Variants in PHF7 observed in about 807,000 individuals in gnomAD.
PHF7 encodes E3 ubiquitin-protein ligase PHF7.
Under a neutral mutation model 47.5 loss-of-function variants are expected in PHF7, and 24 were observed. That is an observed-to-expected ratio of 0.51 (90% confidence interval 0.37 to 0.71). The LOEUF (loss-of-function observed/expected upper bound fraction) is 0.71. PHF7 is among the 30% of genes least tolerant of loss of function. The pLI is 0.00. For missense variants in PHF7, 361 were observed against 456.8 expected (o/e 0.79, Z 1.91); for synonymous variants, 156 against 153.8 (o/e 1.01, Z -0.11).
At chr3:52,413,602 A>AG (rs1301706842) in intron 2 of PHF7, among the ~76,000 whole-genome samples, 2 of 152,226 alleles carry the variant, frequency 1.3e-5, no homozygotes, top group Non-Finnish European at 2.9e-5. Context: ...TGGGAGGCCG[A>AG]GGCGGGTGGA....
intron 7 of PHF7, among the ~76,000 whole-genome samples, 186 bp downstream of exon 7, chr3:52,421,248 G>C (rs890258770): frequency 1.3e-5 from 2 of 152,166 alleles, no homozygotes; most frequent in African/African-American, 4.8e-5. Context: ...TGGCCTATAG[G>C]ACCTCACACA....
chr3:52,412,988 T>C, intron 2 of PHF7, 68 bp downstream of exon 2: 2 of 1,232,018 alleles, frequency 1.6e-6, no homozygotes, highest in Non-Finnish European at 2.4e-6. Context: ...GCTGCACTTT[T>C]TGCCCCCTTT....
rs199574891 is a variant in PHF7, at chr3:52,421,077, G to A, written c.573+15G>A. The A allele has an allele frequency of 1.4e-5, 22 of 1,589,626 alleles. No homozygotes were observed. The highest frequency in any genetic ancestry group is 1.8e-4 in the Middle Eastern group (1 of 5,506). On this transcript the variant is annotated intron_variant, in intron 7 of 10. Coordinates refer to ENST00000327906, the MANE Select transcript of PHF7 (RefSeq NM_016483.7). ...AGTGCATACAGGTGGGGCTTTTTCCGCCCTGGGTCCCTTCCACCATTGCCC... is the reference window on the plus strand; with the variant it reads ...AGTGCATACAGGTGGGGCTTTTTCCACCCTGGGTCCCTTCCACCATTGCCC...
Position 52,423,347 on chromosome 3 carries a change from A to G in PHF7, c.*30A>G. ...TTCTGAGTAGCTGCTGTCCCACACA[A>G]TAGGGTATGAAGCTGCGCTCCTCCA... On this transcript the variant is annotated 3_prime_UTR_variant, in exon 11 of 11. Coordinates refer to ENST00000327906, the MANE Select transcript of PHF7 (RefSeq NM_016483.7). 1.4e-6 allele frequency: 2 copies of G among 1,420,954 alleles called. No individual in the cohort carries two copies. Among genetic ancestry groups the G allele is most frequent in the Non-Finnish European group, 2.0e-6 (2 of 1,009,136 alleles). 88.0% of individuals were successfully genotyped at this position (1,420,954 alleles called of 1,614,324 possible).
chr3:52,413,296 C>T (rs762744517), intron 2 of PHF7, among the ~76,000 whole-genome samples: 5 of 152,078 alleles, frequency 3.3e-5, no homozygotes, highest in Admixed American at 6.6e-5. Flanking sequence ...TGTAAAGTGC[C>T]AAGAATAGTG....
Position 52,414,523 on chromosome 3 carries a change from G to C in PHF7, c.122G>C (p.Gly41Ala). The change falls in exon 4 of 11, where the codon GGG becomes GCG. Residue 41 changes from glycine to alanine, a missense_variant. Physicochemically the swap from Gly to Ala is moderately conservative, Grantham distance 60 (BLOSUM62 0). Transcript: ENST00000327906. ...TGCTGGCTATGCCTTCGAGAACCTG[G>C]GGATCCCGAAAAATTAGGGGAATTT... ...PVCWLCLREP[G>A]DPEKLGEFLQ... 4 of 1,612,270 alleles carry C rather than the reference G, an allele frequency of 2.5e-6. No homozygotes were observed. The highest frequency in any genetic ancestry group is 3.4e-6 in the Non-Finnish European group (4 of 1,178,926).
chr3:52,419,492 C>T (rs1088267), intron 4 of PHF7, among the ~76,000 whole-genome samples: 4 of 150,774 alleles, frequency 2.7e-5, no homozygotes, highest in Middle Eastern at 3.4e-3. Context: ...TGCAGTGGCA[C>T]GATCTCGGCT....
Position 52,420,311 on chromosome 3 carries a change from A to T in PHF7, c.289A>T (p.Ile97Phe). The change falls in exon 6 of 11, where the codon ATC becomes TTC. Residue 97 changes from isoleucine (I) to phenylalanine (F), a missense_variant and splice_region_variant. Coordinates refer to ENST00000327906, the MANE Select transcript of PHF7 (RefSeq NM_016483.7). The stretch of plus-strand genomic sequence containing the variant: ...GCACTGTCTGGGAACTCATTTGCAG[A>T]TCTGCTTTGTGTGCAAGAAAAAGGG... ...KKEAARASRK[I>F]CFVCKKKGAA... The T allele has an allele frequency of 6.2e-7, 1 of 1,614,036 alleles. No homozygotes were observed. The highest frequency in any genetic ancestry group is 8.5e-7 in the Non-Finnish European group (1 of 1,179,890).
At chr3:52,418,607 A>G (rs756707636) in intron 4 of PHF7, among the ~76,000 whole-genome samples, 2 of 152,134 alleles carry the variant, frequency 1.3e-5, no homozygotes, top group Non-Finnish European at 2.9e-5. Context: ...TTCCTGTATT[A>G]CTCTGAGAAG....
At chr3:52,413,043 C>G in intron 2 of PHF7, 123 bp downstream of exon 2, 1 of 742,692 alleles carries the variant, frequency 1.3e-6, no homozygotes, top group Non-Finnish European at 2.4e-6. Flanking sequence ...GAAGCACACA[C>G]GGAGCTGGGA....
At chr3:52,421,974 T>A in intron 8 of PHF7, 1 of 589,818 alleles carries the variant, frequency 1.7e-6, no homozygotes, top group Non-Finnish European at 3.0e-6. Flanking sequence ...ATTTGGGGAA[T>A]CAGAATTCCC....
Position 52,412,795 on chromosome 3 carries a change from C to G in PHF7, c.-69-16C>G. On this transcript the variant is annotated splice_polypyrimidine_tract_variant and intron_variant, in intron 1 of 10. Transcript: ENST00000327906. ...ACAGAATTAAATTGCTTACCAAACCCCATTTATATTTATAGCTGGAAGAGC... is the reference window on the plus strand; with the variant it reads ...ACAGAATTAAATTGCTTACCAAACCGCATTTATATTTATAGCTGGAAGAGC... 1 of 1,136,440 alleles carries G rather than the reference C, an allele frequency of 8.8e-7. No individual in the cohort carries two copies. The highest frequency in any genetic ancestry group is 1.3e-6 in the Non-Finnish European group (1 of 766,710). 70.4% of individuals were successfully genotyped at this position (1,136,440 alleles called of 1,614,324 possible).
At chr3:52,418,222 CCTTT>C (rs1326056097) in intron 4 of PHF7, among the ~76,000 whole-genome samples, 2 of 151,992 alleles carry the variant, frequency 1.3e-5, no homozygotes, top group South Asian at 2.1e-4. Context: ...CTGTGATTTT[CCTTT>C]CTTGTAAGTC....
Position 52,423,139 on chromosome 3 carries a change from T to C in PHF7, c.968T>C (p.Phe323Ser). The change falls in exon 11 of 11, where the codon TTC (phenylalanine) becomes TCC (serine). Residue 323 changes from phenylalanine (F) to serine (S), a missense_variant. Coordinates refer to ENST00000327906, the MANE Select transcript of PHF7 (RefSeq NM_016483.7). ...SGDIPCCSST[F>S]HPEEHFCRDN... Reference sequence around the variant, plus strand: ...GACATCCCTTGCTGCAGCAGCACCTTCCACCCTGAGGAACATTTCTGCAGA... The same window carrying C: ...GACATCCCTTGCTGCAGCAGCACCTCCCACCCTGAGGAACATTTCTGCAGA... 2 of 1,614,048 alleles carry C rather than the reference T, an allele frequency of 1.2e-6. No individual in the cohort carries two copies. The highest frequency in any genetic ancestry group is 1.7e-6 in the Non-Finnish European group (2 of 1,179,906).
At chr3:52,412,587 A>G (rs1559596775) in intron 1 of PHF7, among the ~76,000 whole-genome samples, 1 of 152,218 alleles carries the variant, frequency 6.6e-6, no homozygotes, top group African/African-American at 2.4e-5. Context: ...TGGGCAGGAT[A>G]CTTAAACCTC....
intron 8 of PHF7, 65 bp downstream of exon 8, chr3:52,421,819 G>A (rs1705800134): frequency 1.2e-6 from 1 of 817,994 alleles, no homozygotes. Context: ...TAGAGAGGAG[G>A]TGAGTGAGAG....
chr3:52,413,454 G>A (rs1164980696), intron 2 of PHF7, among the ~76,000 whole-genome samples: 1 of 152,194 alleles, frequency 6.6e-6, no homozygotes, highest in African/African-American at 2.4e-5. Context: ...GTCAACATAG[G>A]CAGTACAGGC....
At chr3:52,420,064 C>G in intron 5 of PHF7, 130 bp downstream of exon 5, 1 of 728,072 alleles carries the variant, frequency 1.4e-6, no homozygotes, top group East Asian at 2.7e-5. Flanking sequence ...CCAACTAGTC[C>G]TTAAGTCCCA....
At chr3:52,415,328 C>G (rs1233631759) in intron 4 of PHF7, among the ~76,000 whole-genome samples, 1 of 152,168 alleles carries the variant, frequency 6.6e-6, no homozygotes, top group Non-Finnish European at 1.5e-5. Flanking sequence ...TCCCAAGTAG[C>G]TGGGATTACA....
Sources: allele counts gnomAD v4.1 joint callset (sites outside exome capture counted in the v4.1 genomes callset), GRCh38; gene constraint gnomAD v4.1.1; transcripts MANE v1.5; gene names NCBI Gene and HGNC (gene_info 2026-07-23, HGNC 2026-07-21).